ESRRA: variants seen among roughly 807,000 people sequenced by gnomAD.
ESRRA encodes the protein estrogen related receptor alpha.
A neutral mutation model predicts 35.6 loss-of-function variants in ESRRA; 7 were observed. The observed-to-expected ratio is 0.20, with a 90% CI of 0.11 to 0.37. The LOEUF (loss-of-function observed/expected upper bound fraction) is 0.37. ESRRA is among the 10% of genes least tolerant of loss of function. The pLI is 1.00. For synonymous variants in ESRRA, 223 were observed against 246.9 expected, an observed-to-expected ratio of 0.90 and a Z score of 0.91; for missense variants, 378 against 561.7, an observed-to-expected ratio of 0.67 and a Z score of 3.31.
At chr11:64,314,949 G>T (rs1555079517) in intron 5 of ESRRA, 38 bp downstream of exon 5, 7 of 1,604,316 alleles carry the variant, frequency 4.4e-6, no homozygotes, top group Non-Finnish European at 8.5e-7. Flanking sequence ...CCCTGAACGG[G>T]CCCGGCTCTG....
Position 64,315,008 on chromosome 11 carries a change from A to T in ESRRA, c.750A>T (p.Ser250=). The T allele has an allele frequency of 1.3e-6, 2 of 1,592,554 alleles. No homozygotes were observed. The highest frequency in any genetic ancestry group is 1.7e-6 in the Non-Finnish European group (2 of 1,169,108). ...ISWAKSIPGF[S]SLSLSDQMSV... ...CTCCCCGCTGCCCCCTAGGCTTCTC[A>T]TCGCTGTCGCTGTCTGACCAGATGT... The change falls in exon 6 of 7, where the codon TCA becomes TCT. Residue 250 remains serine (S), a synonymous_variant. Transcript: ENST00000000442.
chr11:64,314,336 C>T lies in ESRRA; in HGVS notation c.540C>T (p.Pro180=), dbSNP rs767754224. ...LPFPGPFPAG[P]LAVAGGPRKT... is the part of the protein sequence containing the mutation. ...TCCCGGGCCCCTTCCCTGCTGGGCC[C>T]CTGGCAGTCGCTGGAGGCCCCCGGA... Residue 180 remains proline (P), a synonymous_variant, in exon 4 of 7, where the codon CCC becomes CCT. Coordinates refer to ENST00000000442, the MANE Select transcript of ESRRA (RefSeq NM_004451.5). The T allele has an allele frequency of 1.3e-6, 2 of 1,598,788 alleles. No individual in the cohort carries two copies. The highest frequency in any genetic ancestry group is 2.2e-5 in the South Asian group (2 of 88,980).
At position 64,314,356 on chromosome 11, in the gene ESRRA, C is replaced by G. The variant is rs541359948; in HGVS notation, c.560C>G (p.Pro187Arg). ...PAGPLAVAGG[P>R]RKTAAPVNAL... is the part of the protein sequence containing the mutation. ...GGGCCCCTGGCAGTCGCTGGAGGCC[C>G]CCGGAAGACAGGTGAGAGCACTGTG... is the stretch of plus-strand genomic sequence containing the variant. The change falls in exon 4 of 7, where the codon CCC becomes CGC. Residue 187 changes from proline (P) to arginine (R), a missense_variant. Pro to Arg is a moderately radical substitution (Grantham distance 103). Around this residue, in one of 4 missense-constraint regions of ESRRA, gnomAD observed 284 missense variants for 411.7 expected, o/e 0.69. Coordinates refer to ENST00000000442, the MANE Select transcript of ESRRA (RefSeq NM_004451.5). 4 of 1,582,508 alleles carry G rather than the reference C, an allele frequency of 2.5e-6. No homozygotes were observed. In the African/African-American group the frequency reaches 5.4e-5, roughly 21 times the overall value.
rs915743445 is a variant in ESRRA at position 64,309,469 on chromosome 11, G to A, written c.325+1965G>A. Among the ~76,000 whole-genome samples the A allele has an allele frequency of 3.0e-4, 45 of 150,282 alleles. 1 individual carries two copies. Among genetic ancestry groups the A allele is most frequent in the Admixed American group, 2.0e-3 (30 of 15,038 alleles). ...AAAAAAAGGACTTACAGGCATGTCT[G>A]CTCTTAAAAGTCACTAATTTTTTTC... On this transcript the variant is annotated intron_variant, in intron 2 of 6. Transcript: ENST00000000442.
intron 2 of ESRRA, among the ~76,000 whole-genome samples, chr11:64,308,449 G>A (rs1399952401): frequency 4.0e-5 from 6 of 150,682 alleles, no homozygotes; most frequent in Admixed American, 3.3e-4. Context: ...CTTGAACCCA[G>A]GAGGCAGAGG....
chr11:64,316,253 G>A lies in ESRRA; in HGVS notation c.*287G>A. 1 of 348,616 alleles carries A rather than the reference G, an allele frequency of 2.9e-6. No homozygotes were observed. The highest frequency in any genetic ancestry group is 4.3e-5 in the Admixed American group (1 of 23,054). 21.6% of individuals were successfully genotyped at this position (348,616 alleles called of 1,614,324 possible). On this transcript the variant is annotated 3_prime_UTR_variant, in exon 7 of 7. Transcript: ENST00000000442. Reference sequence around the variant, plus strand: ...TGCGGAAGCCATAGGGGGCTGCACGGGATGCGTGGGAGGCAGAAACCTATC... The same window carrying A: ...TGCGGAAGCCATAGGGGGCTGCACGAGATGCGTGGGAGGCAGAAACCTATC...
In ESRRA at chr11:64,313,958, C is replaced by T. The variant is rs765397664; in HGVS notation, c.333C>T (p.Ile111=). The part of the protein sequence containing the change: ...AFFKRTIQGS[I]EYSCPASNEC... ...CCTGCCTCTTCCTGGCAGGGAGCATCGAGTACAGCTGTCCGGCCTCCAACG... is the reference window on the plus strand; with the variant it reads ...CCTGCCTCTTCCTGGCAGGGAGCATTGAGTACAGCTGTCCGGCCTCCAACG... The change falls in exon 3 of 7, where the codon ATC becomes ATT. Residue 111 remains isoleucine (I), a synonymous_variant. Coordinates refer to ENST00000000442, the MANE Select transcript of ESRRA (RefSeq NM_004451.5). The surrounding 1 kb of genome is among the most constrained non-coding windows in gnomAD (Gnocchi z 4.0). The T allele has an allele frequency of 5.1e-6, 8 of 1,573,698 alleles. No homozygotes were observed. The highest frequency in any genetic ancestry group is 2.3e-5 in the East Asian group (1 of 42,998).
intron 2 of ESRRA, among the ~76,000 whole-genome samples, chr11:64,312,650 G>C (rs750647071): frequency 2.6e-5 from 4 of 152,194 alleles, no homozygotes; most frequent in African/African-American, 9.6e-5. Context: ...GCCACTGAAG[G>C]GGGAGGCGTA....
Position 64,307,390 on chromosome 11 carries a change from C to A in ESRRA, c.211C>A (p.Leu71Ile). 6.3e-7 allele frequency: 1 copy of A among 1,599,044 alleles called. No homozygotes were observed. The highest frequency in any genetic ancestry group is 8.5e-7 in the Non-Finnish European group (1 of 1,170,296). ...CGAGCAGGGCGGTGGGAAGCTGGTGCTCAGCTCCCTGCCCAAGCGCCTCTG... is the reference window on the plus strand; with the variant it reads ...CGAGCAGGGCGGTGGGAAGCTGGTGATCAGCTCCCTGCCCAAGCGCCTCTG... ...PGEQGGGKLVLSSLPKRLCLV... is the reference protein window; with the variant it reads ...PGEQGGGKLVISSLPKRLCLV... The change falls in exon 2 of 7, where the codon CTC becomes ATC. Residue 71 changes from leucine (L) to isoleucine (I), a missense_variant. By Grantham distance (5) the Leu-to-Ile change is conservative (BLOSUM62 2). Coordinates refer to ENST00000000442, the MANE Select transcript of ESRRA (RefSeq NM_004451.5).
At chr11:64,306,703 A>T (rs994569035) in intron 1 of ESRRA, 1 of 153,762 alleles carries the variant, frequency 6.5e-6, no homozygotes, top group African/African-American at 2.4e-5. Context: ...CGGTGAGTGG[A>T]GTGTGTGAAC....
chr11:64,314,085 G>A lies in ESRRA; in HGVS notation c.442+18G>A, dbSNP rs775664675. On this transcript the variant is annotated intron_variant, in intron 3 of 6. Transcript: ENST00000000442. ...CAAGGAGGGTGAGCGCTGGGCAGGG[G>A]CTGGGCGAGGGCTGGGGGAGTCGGG... The A allele has an allele frequency of 6.4e-7, 1 of 1,574,542 alleles. No homozygotes were observed. The highest frequency in any genetic ancestry group is 1.8e-5 in the Admixed American group (1 of 55,036).
rs949145075 is a variant in ESRRA at position 64,305,597 on chromosome 11, C to A, written c.-152C>A. 6 of 151,108 alleles carry A rather than the reference C, an allele frequency of 4.0e-5. No individual in the cohort carries two copies. Among genetic ancestry groups the A allele is most frequent in the African/African-American group, 1.5e-4 (6 of 41,288 alleles). 9.4% of individuals were successfully genotyped at this position (151,108 alleles called of 1,614,324 possible). A position where few individuals can be genotyped will look rare whatever the true frequency, so the allele number is the denominator to read the frequency against. The stretch of plus-strand genomic sequence containing the variant: ...TCCTACAAGCAGCCGGCGGCGCCGC[C>A]GAGTGAGGGGACGCGGCGCGGTGGG... On this transcript the variant is annotated 5_prime_UTR_variant, in exon 1 of 7. Transcript: ENST00000000442. The surrounding 1 kb of genome is among the most constrained non-coding windows in gnomAD (Gnocchi z 5.8).
Position 64,316,127 on chromosome 11 carries a change from C to T in ESRRA, c.*161C>T. ...GGAACAGGCCCCACGCCCTCTCCTC[C>T]CCCTCCTAGGGGGTGTCAGAAGCTG... On this transcript the variant is annotated 3_prime_UTR_variant, in exon 7 of 7. Transcript: ENST00000000442. 6.1e-6 allele frequency: 5 copies of T among 819,802 alleles called. No homozygotes were observed. The highest frequency in any genetic ancestry group is 3.7e-5 in the South Asian group (2 of 53,350). 50.8% of individuals were successfully genotyped at this position (819,802 alleles called of 1,614,324 possible).
At chr11:64,314,949 G>A (rs1555079517) in intron 5 of ESRRA, 38 bp downstream of exon 5, 1 of 1,604,314 alleles carries the variant, frequency 6.2e-7, no homozygotes, top group East Asian at 2.2e-5. Context: ...CCCTGAACGG[G>A]CCCGGCTCTG....
chr11:64,313,878 A>G lies in ESRRA; in HGVS notation c.326-73A>G. On this transcript the variant is annotated intron_variant, in intron 2 of 6. Coordinates refer to ENST00000000442, the MANE Select transcript of ESRRA (RefSeq NM_004451.5). The surrounding 1 kb of genome is among the most constrained non-coding windows in gnomAD (Gnocchi z 4.0). ...GACCTGTGCTTGCCCGGGGAGAGTC[A>G]GGGCTCTCCTGTCAGCTGGGTCCCC... is the stretch of plus-strand genomic sequence containing the variant. 9.6e-7 allele frequency: 1 copy of G among 1,041,890 alleles called. No individual in the cohort carries two copies. The highest frequency in any genetic ancestry group is 2.3e-5 in the Admixed American group (1 of 43,796). 64.5% of individuals were successfully genotyped at this position (1,041,890 alleles called of 1,614,324 possible).
intron 2 of ESRRA, among the ~76,000 whole-genome samples, chr11:64,309,915 AGAGT>A (rs1565375486): frequency 6.8e-6 from 1 of 147,582 alleles, no homozygotes; most frequent in African/African-American, 2.5e-5. Flanking sequence ...CCTGGGTGAC[AGAGT>A]GAGAGTTCGT....
intron 2 of ESRRA, among the ~76,000 whole-genome samples, chr11:64,309,361 G>T: frequency 6.6e-6 from 1 of 151,588 alleles, no homozygotes; most frequent in South Asian, 2.1e-4. Context: ...GAACCCGGGA[G>T]GCAGAGGTTG....
intron 2 of ESRRA, among the ~76,000 whole-genome samples, chr11:64,309,734 C>G (rs959789046): frequency 6.6e-6 from 1 of 151,234 alleles, no homozygotes; most frequent in African/African-American, 2.4e-5. Context: ...GAGTTCGAGA[C>G]CAGCCTGGCC....
At chr11:64,309,210 G>T (rs1011124086) in intron 2 of ESRRA, among the ~76,000 whole-genome samples, 1 of 151,754 alleles carries the variant, frequency 6.6e-6, no homozygotes, top group Admixed American at 6.6e-5. Context: ...TGAGGCAGAC[G>T]GATCACGAGG....
Sources: allele counts gnomAD v4.1 joint callset (sites outside exome capture counted in the v4.1 genomes callset), GRCh38; gene constraint gnomAD v4.1.1; regional missense constraint gnomAD v4.1.1; non-coding constraint Gnocchi (gnomAD v3.1); transcripts MANE v1.5; gene names NCBI Gene and HGNC (gene_info 2026-07-23, HGNC 2026-07-21).